ANKRD50: variants seen among roughly 807,000 people sequenced by gnomAD.
ANKRD50 encodes the protein ankyrin repeat domain-containing protein 50.
ANKRD50 carries 40 observed loss-of-function variants against 112.0 expected under a neutral mutation model. The observed-to-expected ratio is 0.36, with a 90% CI of 0.28 to 0.46. The LOEUF is 0.46. Ranked by LOEUF, ANKRD50 falls within the 20% of genes least tolerant of loss-of-function variation. The pLI is 1.00. For missense variants in ANKRD50, 1,487 were observed against 1,701.7 expected (o/e 0.87, Z 2.22); for synonymous variants, 613 against 619.1 (o/e 0.99, Z 0.15).
intron 3 of ANKRD50, 121 bp downstream of exon 3, chr4:124,678,555 G>T: frequency 1.2e-6 from 1 of 835,700 alleles, no homozygotes; most frequent in Non-Finnish European, 1.9e-6. Context: ...ACGCACAATT[G>T]AGAATAGCTG....
At chr4:124,693,052 A>C (rs1481348254) in intron 2 of ANKRD50, among the ~76,000 whole-genome samples, 1 of 152,156 alleles carries the variant, frequency 6.6e-6, no homozygotes, top group Non-Finnish European at 1.5e-5. Context: ...GAAGAAATAG[A>C]ATTCTCTTCA....
rs751442096 is a variant in ANKRD50, at chr4:124,669,402, G to A, written c.3875C>T (p.Ser1292Leu). The change falls in exon 4 of 5, where the codon TCA becomes TTA. Residue 1292 changes from serine to leucine, a missense_variant. Coordinates refer to ENST00000504087, the MANE Select transcript of ANKRD50 (RefSeq NM_020337.3). ...AGKKAKQSNS[S>L]QPKVLEYEMT... ...TTCATATTCTAAAACCTTTGGCTGT[G>A]AAGAATTACTTTGTTTCGCTTTTTT... 5 of 1,613,326 alleles carry A rather than the reference G, an allele frequency of 3.1e-6. No individual in the cohort carries two copies. The highest frequency in any genetic ancestry group is 4.2e-6 in the Non-Finnish European group (5 of 1,179,742).
chr4:124,676,577 A>C (rs1360694353), intron 3 of ANKRD50, among the ~76,000 whole-genome samples: 1 of 151,724 alleles, frequency 6.6e-6, no homozygotes, highest in Non-Finnish European at 1.5e-5. Context: ...GGAAGTCAAT[A>C]AATTGCTGAG....
Position 124,669,414 on chromosome 4 carries a change from T to A in ANKRD50, c.3863A>T (p.Gln1288Leu). Residue 1288 changes from glutamine (Q) to leucine (L), a missense_variant, in exon 4 of 5, where the codon CAA becomes CTA. This residue lies in a region of ANKRD50 where 441 missense variants were observed against 432.2 expected (regional missense o/e 1.02). Transcript: ENST00000504087. ...AACCTTTGGCTGTGAAGAATTACTT[T>A]GTTTCGCTTTTTTCCCAGCTGATCC... ...KSGSAGKKAK[Q>L]SNSSQPKVLE... 6.2e-7 allele frequency: 1 copy of A among 1,613,290 alleles called. No individual in the cohort carries two copies. The highest frequency in any genetic ancestry group is 1.1e-5 in the South Asian group (1 of 90,838).
chr4:124,666,786 T>G lies in ANKRD50; in HGVS notation c.*732A>C, dbSNP rs1368165763. The G allele has an allele frequency of 6.6e-6, 1 of 152,372 alleles. No homozygotes were observed. Among genetic ancestry groups the G allele is most frequent in the African/African-American group, 2.4e-5 (1 of 41,412 alleles). 9.4% of individuals were successfully genotyped at this position (152,372 alleles called of 1,614,324 possible). Reference sequence around the variant, plus strand: ...TGAAATTGTATCCCAGCGGATGAAATAGGACTTTGTTCTGCCTACAGACTG... The same window carrying G: ...TGAAATTGTATCCCAGCGGATGAAAGAGGACTTTGTTCTGCCTACAGACTG... On this transcript the variant is annotated 3_prime_UTR_variant, in exon 5 of 5. Coordinates refer to ENST00000504087, the MANE Select transcript of ANKRD50 (RefSeq NM_020337.3).
intron 2 of ANKRD50, among the ~76,000 whole-genome samples, chr4:124,680,521 G>C (rs1479312168): frequency 6.6e-6 from 1 of 152,044 alleles, no homozygotes; most frequent in Non-Finnish European, 1.5e-5. Flanking sequence ...AGGGAAGGTG[G>C]GGTAATCCTG....
intron 2 of ANKRD50, among the ~76,000 whole-genome samples, chr4:124,680,782 G>T (rs1164611063): frequency 1.3e-5 from 2 of 152,018 alleles, no homozygotes; most frequent in Non-Finnish European, 2.9e-5. Context: ...GGGAATTGAG[G>T]TTGGTAAGGT....
chr4:124,693,968 T>C (rs552291549), intron 2 of ANKRD50, among the ~76,000 whole-genome samples: 80 of 152,322 alleles, frequency 5.3e-4, no homozygotes, highest in African/African-American at 1.9e-3. Context: ...AATATGTTTT[T>C]ATATAAGATG....
intron 3 of ANKRD50, among the ~76,000 whole-genome samples, chr4:124,677,248 T>C (rs1730794002): frequency 6.6e-6 from 1 of 151,742 alleles, no homozygotes; most frequent in African/African-American, 2.4e-5. Context: ...GTTCAAAATG[T>C]ACATACTCTA....
intron 2 of ANKRD50, among the ~76,000 whole-genome samples, chr4:124,692,091 T>C (rs150708386): frequency 1.3e-5 from 2 of 152,326 alleles, no homozygotes; most frequent in Non-Finnish European, 2.9e-5. Flanking sequence ...AAAGTATAGA[T>C]GACACATAAA....
chr4:124,672,431 T>C lies in ANKRD50; in HGVS notation c.846A>G (p.Gln282=), dbSNP rs938445060. The C allele has an allele frequency of 1.2e-6, 2 of 1,613,072 alleles. No homozygotes were observed. ...HRLDQEEALR[Q]HLTKETAEML... is the part of the protein sequence containing the mutation. The stretch of plus-strand genomic sequence containing the variant: ...TCTCTGCAGTTTCTTTTGTGAGGTG[T>C]TGTCGCAAAGCTTCTTCTTGATCTA... The change falls in exon 4 of 5, where the codon CAA becomes CAG. Residue 282 remains glutamine, a synonymous_variant. Coordinates refer to ENST00000504087, the MANE Select transcript of ANKRD50 (RefSeq NM_020337.3).
chr4:124,707,327 A>G (rs1180466432), intron 2 of ANKRD50, among the ~76,000 whole-genome samples: 1 of 152,038 alleles, frequency 6.6e-6, no homozygotes, highest in African/African-American at 2.4e-5. Context: ...TCTCTAAAGG[A>G]CTTATTTAAG....
chr4:124,669,411 C>T lies in ANKRD50; in HGVS notation c.3866G>A (p.Ser1289Asn), dbSNP rs765620183. The T allele has an allele frequency of 4.3e-6, 7 of 1,613,210 alleles. No homozygotes were observed. The highest frequency in any genetic ancestry group is 5.9e-6 in the Non-Finnish European group (7 of 1,179,728). ...TAAAACCTTTGGCTGTGAAGAATTA[C>T]TTTGTTTCGCTTTTTTCCCAGCTGA... is the stretch of plus-strand genomic sequence containing the variant. ...SGSAGKKAKQSNSSQPKVLEY... is the reference protein window; with the variant it reads ...SGSAGKKAKQNNSSQPKVLEY... The change falls in exon 4 of 5, where the codon AGT (serine) becomes AAT (asparagine). Residue 1289 changes from serine (S) to asparagine (N), a missense_variant. Coordinates refer to ENST00000504087, the MANE Select transcript of ANKRD50 (RefSeq NM_020337.3).
chr4:124,699,256 TAAA>T (rs35038493), intron 2 of ANKRD50, among the ~76,000 whole-genome samples: 2 of 145,258 alleles, frequency 1.4e-5, no homozygotes, highest in Admixed American at 6.9e-5. Flanking sequence ...GCAGATATGA[TAAA>T]AAAAAAAAAA....
rs1725609171 is a variant in ANKRD50 at position 124,710,648 on chromosome 4, G to T, written c.-137C>A. Reference sequence around the variant, plus strand: ...TACAGTAAAATTCAACAGCCACAGAGTTCCTCTGTCAACAGAACGTGCATG... The same window carrying T: ...TACAGTAAAATTCAACAGCCACAGATTTCCTCTGTCAACAGAACGTGCATG... On this transcript the variant is annotated 5_prime_UTR_variant, in exon 2 of 5. Transcript: ENST00000504087. The T allele has an allele frequency of 9.6e-7, 1 of 1,041,630 alleles. No homozygotes were observed. Among genetic ancestry groups the T allele is most frequent in the Non-Finnish European group, 1.4e-6 (1 of 717,544 alleles). The allele number at this position is 1,041,630 out of a possible 1,614,324, so 64.5% of individuals were successfully genotyped here. A position where few individuals can be genotyped will look rare whatever the true frequency, so the allele number is the denominator to read the frequency against.
At chr4:124,680,803 G>C (rs1241919790) in intron 2 of ANKRD50, among the ~76,000 whole-genome samples, 2 of 152,046 alleles carry the variant, frequency 1.3e-5, no homozygotes, top group Non-Finnish European at 2.9e-5. Flanking sequence ...AATGAGCCAG[G>C]AGAAGGAGTT....
At chr4:124,683,074 A>G (rs1415470248) in intron 2 of ANKRD50, among the ~76,000 whole-genome samples, 1 of 151,834 alleles carries the variant, frequency 6.6e-6, no homozygotes, top group Non-Finnish European at 1.5e-5. Flanking sequence ...ACATACATAT[A>G]TACACACACA....
rs754391701 is a variant in ANKRD50, at chr4:124,670,229, C to T, written c.3048G>A (p.Leu1016=). 11 of 1,613,680 alleles carry T rather than the reference C, an allele frequency of 6.8e-6. No homozygotes were observed. The highest frequency in any genetic ancestry group is 8.5e-6 in the Non-Finnish European group (10 of 1,179,874). The change falls in exon 4 of 5, where the codon TTG becomes TTA. Residue 1016 remains leucine, a synonymous_variant. Coordinates refer to ENST00000504087, the MANE Select transcript of ANKRD50 (RefSeq NM_020337.3). ...CATGGCCCTGCCAGGCTGCAGACTGCAAAGCAGAGCGCTTTTCATTGTCTG... is the reference window on the plus strand; with the variant it reads ...CATGGCCCTGCCAGGCTGCAGACTGTAAAGCAGAGCGCTTTTCATTGTCTG... ...NAADNEKRSA[L]QSAAWQGHVK... is the part of the protein sequence containing the mutation.
Position 124,670,020 on chromosome 4 carries a change from G to A in ANKRD50, c.3257C>T (p.Ala1086Val). The A allele has an allele frequency of 6.2e-7, 1 of 1,608,492 alleles. No individual in the cohort carries two copies. Among genetic ancestry groups the A allele is most frequent in the Non-Finnish European group, 8.5e-7 (1 of 1,178,740 alleles). Residue 1086 changes from alanine (A) to valine (V), a missense_variant, in exon 4 of 5, where the codon GCC (alanine) becomes GTC (valine). Ala to Val is a moderately conservative substitution (Grantham distance 64, BLOSUM62 0). Around this residue, in one of 2 missense-constraint regions of ANKRD50, gnomAD observed 441 missense variants for 432.2 expected, o/e 1.02. Transcript: ENST00000504087. ...AATTATCTGAGAATGTCCATTTTTG[G>A]CTGCAACACGCATAGCAGTGCGTCC... ...QFGRTAMRVA[A>V]KNGHSQIIKL...
Sources: gnomAD v4.1 joint callset for allele counts (sites outside exome capture counted in the v4.1 genomes callset) on GRCh38, gnomAD v4.1.1 for gene constraint, gnomAD v4.1.1 regional missense constraint, MANE v1.5 for transcripts, NCBI Gene and HGNC (gene_info 2026-07-23, HGNC 2026-07-21) for gene names.